The following ERICH1 variants were observed in gnomAD, a reference collection of about 807,000 sequenced individuals.
The protein encoded by ERICH1 is glutamate-rich protein 1.
A neutral mutation model predicts 39.6 loss-of-function variants in ERICH1; 56 were observed. That is an observed-to-expected ratio of 1.41 (90% CI 1.14 to 1.77). The LOEUF is 1.77. Ranked by LOEUF, ERICH1 falls within the 40% of genes most tolerant of loss-of-function variation. ERICH1 has a pLI of 0.00. For synonymous variants in ERICH1, 313 were observed against 223.6 expected, an observed-to-expected ratio of 1.40 and a Z score of -3.57; for missense variants, 826 against 575.4, an observed-to-expected ratio of 1.44 and a Z score of -4.45.
intron 3 of ERICH1, among the ~76,000 whole-genome samples, chr8:658,106 G>A (rs550204604): frequency 4.6e-5 from 7 of 152,264 alleles, no homozygotes; most frequent in South Asian, 4.1e-4. Flanking sequence ...GCCCTTCTTC[G>A]TGCCCAAGTG....
intron 3 of ERICH1, chr8:616,213 C>T (rs1796891417): frequency 8.9e-6 from 2 of 224,982 alleles, no homozygotes; most frequent in Admixed American, 1.0e-4. Flanking sequence ...AAAGTGTAGT[C>T]ACATAAGCCC....
Position 673,404 on chromosome 8 carries a change from G to A in ERICH1, c.948C>T (p.Asp316=). ...CGTCTGCACCGTCCTCCTCCCCGGA[G>A]TCTGCACCCTCTTCCTCCCCAGCCC... The part of the protein sequence containing the change: ...PTWAGEEEGA[D]SGEEDGADAS... The change falls in exon 4 of 6, where the codon GAC becomes GAT. Residue 316 remains aspartate, a synonymous_variant. Coordinates refer to ENST00000262109, the MANE Select transcript of ERICH1 (RefSeq NM_207332.3). 6.2e-7 allele frequency: 1 copy of A among 1,613,552 alleles called. No individual in the cohort carries two copies. The highest frequency in any genetic ancestry group is 8.5e-7 in the Non-Finnish European group (1 of 1,179,834).
chr8:620,394 A>C (rs1277637993), intron 3 of ERICH1, among the ~76,000 whole-genome samples: 2 of 152,218 alleles, frequency 1.3e-5, no homozygotes, highest in African/African-American at 4.8e-5. Flanking sequence ...ATAATATTTA[A>C]ATGTGAATCA....
At position 654,924 on chromosome 8, in the gene ERICH1, C is replaced by T. The variant is rs563951176; in HGVS notation, c.976+13674G>A. 2.2e-4 allele frequency among the ~76,000 whole-genome samples: 33 copies of T among 152,360 alleles called. No individual in the cohort carries two copies. In the South Asian group the frequency reaches 6.2e-3, roughly 29 times the overall value. On this transcript the variant is annotated intron_variant, in intron 3 of 3. Transcript: ENST00000522706. ...AGCTGGAGACAGCGGGTCACAATGG[C>T]TTTGCTTGCGGTGACCAAATCCTCT...
intron 3 of ERICH1, among the ~76,000 whole-genome samples, chr8:653,129 A>G (rs1004326283): frequency 6.6e-6 from 1 of 152,228 alleles, no homozygotes; most frequent in African/African-American, 2.4e-5. Context: ...GAAAGCTGGA[A>G]CTCAACAGGT....
At chr8:654,226 G>A (rs527406651) in intron 3 of ERICH1, among the ~76,000 whole-genome samples, 2 of 152,318 alleles carry the variant, frequency 1.3e-5, no homozygotes, top group East Asian at 1.9e-4. Context: ...ATACGCCAAA[G>A]GCTTTAAGAC....
chr8:623,698 C>A (rs951498228), intron 3 of ERICH1, among the ~76,000 whole-genome samples: 34 of 152,080 alleles, frequency 2.2e-4, no homozygotes, highest in Non-Finnish European at 4.1e-4. Context: ...GGACTTCATG[C>A]AAAAACATGA....
chr8:633,808 C>T (rs909703990), intron 3 of ERICH1, among the ~76,000 whole-genome samples: 2 of 152,202 alleles, frequency 1.3e-5, no homozygotes, highest in Non-Finnish European at 1.5e-5. Context: ...CCGCTTCCAC[C>T]GATGGTGCTG....
At chr8:682,033 C>T (rs1296707458) in intron 3 of ERICH1, among the ~76,000 whole-genome samples, 2 of 150,780 alleles carry the variant, frequency 1.3e-5, no homozygotes, top group Non-Finnish European at 2.9e-5. Flanking sequence ...TTTCCATCCA[C>T]CCCCACCCTG....
chr8:713,949 AC>A (rs1174824463), intron 2 of ERICH1, among the ~76,000 whole-genome samples: 48 of 144,152 alleles, frequency 3.3e-4, no homozygotes, highest in African/African-American at 1.3e-3. Flanking sequence ...CATGTGCTGC[AC>A]CCAGGCGGCC....
At chr8:643,999 G>C (rs957733115) in intron 3 of ERICH1, among the ~76,000 whole-genome samples, 2 of 152,250 alleles carry the variant, frequency 1.3e-5, no homozygotes, top group African/African-American at 2.4e-5. Flanking sequence ...GGCTCTGCAG[G>C]AGCAGGAGTC....
At chr8:686,258 T>C (rs973410165) in intron 3 of ERICH1, among the ~76,000 whole-genome samples, 1 of 152,230 alleles carries the variant, frequency 6.6e-6, no homozygotes, top group African/African-American at 2.4e-5. Flanking sequence ...TAAATCACTC[T>C]ATTTTTGTAA....
intron 1 of ERICH1, among the ~76,000 whole-genome samples, chr8:723,841 T>C (rs534070703): frequency 1.3e-5 from 2 of 152,266 alleles, no homozygotes; most frequent in African/African-American, 4.8e-5. Context: ...TTTATCCCTA[T>C]AATGAGGCAA....
chr8:635,330 G>A (rs1263112503), intron 3 of ERICH1, among the ~76,000 whole-genome samples: 2 of 152,190 alleles, frequency 1.3e-5, no homozygotes, highest in Admixed American at 6.5e-5. Flanking sequence ...GGGTTTATCC[G>A]GGTATAACGG....
intron 3 of ERICH1, among the ~76,000 whole-genome samples, chr8:637,054 T>G (rs993398876): frequency 5.9e-5 from 9 of 152,242 alleles, no homozygotes; most frequent in African/African-American, 2.2e-4. Context: ...GCCTGTTCCT[T>G]GTGCAGTGAC....
intron 3 of ERICH1, among the ~76,000 whole-genome samples, chr8:681,475 A>G (rs1806102735): frequency 1.3e-5 from 2 of 152,230 alleles, no homozygotes; most frequent in African/African-American, 4.8e-5. Context: ...GATGGAGAAA[A>G]CCTTCCTTGG....
chr8:697,890 C>T (rs1208114070), intron 2 of ERICH1, among the ~76,000 whole-genome samples: 8 of 152,158 alleles, frequency 5.3e-5, no homozygotes, highest in East Asian at 1.9e-4. Context: ...ATCCCTGAGA[C>T]GAGGAGTGTA....
At chr8:649,748 C>T (rs1799703737) in intron 3 of ERICH1, among the ~76,000 whole-genome samples, 1 of 152,192 alleles carries the variant, frequency 6.6e-6, no homozygotes, top group Non-Finnish European at 1.5e-5. Flanking sequence ...GCAGTGTGAC[C>T]ATGAGCGCAG....
chr8:631,054 T>C (rs879263458), intron 3 of ERICH1, among the ~76,000 whole-genome samples: 6 of 140,212 alleles, frequency 4.3e-5, no homozygotes, highest in Non-Finnish European at 9.4e-5. Context: ...ACCACCCACA[T>C]TGACAGAGCT....
Sources: allele counts gnomAD v4.1 joint callset (sites outside exome capture counted in the v4.1 genomes callset), GRCh38; gene constraint gnomAD v4.1.1; transcripts MANE v1.5; gene names NCBI Gene and HGNC (gene_info 2026-07-23, HGNC 2026-07-21).